Variants in TMPRSS7 observed in about 807,000 individuals in gnomAD.
The protein encoded by TMPRSS7 is transmembrane serine protease 7, also known as transmembrane protease serine 7.
In TMPRSS7, 81 loss-of-function variants were observed where a neutral mutation model predicts 95.6. The ratio of observed to expected loss-of-function variants is 0.85; its 90% CI spans 0.71 to 1.02. TMPRSS7 has a LOEUF of 1.02. TMPRSS7 is among the 50% of genes least tolerant of loss of function. The pLI is 0.00. For synonymous variants in TMPRSS7, 364 were observed against 337.8 expected (o/e 1.08, Z -0.85); for missense variants, 945 against 955.2 (o/e 0.99, Z 0.14).
chr3:112,040,335 TGA>T (rs2073193028), intron 2 of TMPRSS7, among the ~76,000 whole-genome samples: 1 of 152,138 alleles, frequency 6.6e-6, no homozygotes, highest in African/African-American at 2.4e-5. Context: ...AGAGAAGGTG[TGA>T]GTTTTTTTGC....
intron 16 of TMPRSS7, among the ~76,000 whole-genome samples, chr3:112,078,300 A>G (rs1449023858): frequency 6.6e-6 from 1 of 152,234 alleles, no homozygotes; most frequent in East Asian, 1.9e-4. Context: ...TTAGCCAGGT[A>G]GGTTCAAAAG....
At chr3:112,036,085 T>G (rs1271697188) in intron 1 of TMPRSS7, among the ~76,000 whole-genome samples, 1 of 152,186 alleles carries the variant, frequency 6.6e-6, no homozygotes, top group Non-Finnish European at 1.5e-5. Flanking sequence ...ATTTGTACAA[T>G]CTATGCAAAT....
chr3:112,049,484 T>C (rs1279468838), intron 7 of TMPRSS7, among the ~76,000 whole-genome samples: 1 of 152,226 alleles, frequency 6.6e-6, no homozygotes, highest in Non-Finnish European at 1.5e-5. Flanking sequence ...GCCTGGCATC[T>C]TTCATCCATT....
At chr3:112,070,774 CT>C (rs2073636383) in intron 13 of TMPRSS7, among the ~76,000 whole-genome samples, 1 of 151,598 alleles carries the variant, frequency 6.6e-6, no homozygotes, top group Non-Finnish European at 1.5e-5. Flanking sequence ...GGTCTTGACT[CT>C]TTTATTATTA....
chr3:112,080,777 C>G lies in TMPRSS7; in HGVS notation c.2362-137C>G, dbSNP rs1245424556. On this transcript the variant is annotated intron_variant, in intron 17 of 17. Coordinates refer to ENST00000452346, the Ensembl canonical transcript of TMPRSS7. ...AGTTTCACATTAGTTTTTCACACTTCCCAAATTACAGAGTGATTAGCCAAG... is the reference window on the plus strand; with the variant it reads ...AGTTTCACATTAGTTTTTCACACTTGCCAAATTACAGAGTGATTAGCCAAG... The G allele has an allele frequency of 5.4e-6, 4 of 741,660 alleles. No individual in the cohort carries two copies. The African/African-American group carries it at 7.3e-5, about 14-fold the overall frequency. The allele number at this position is 741,660 out of a possible 1,614,324, so 45.9% of individuals were successfully genotyped here. A position where few individuals can be genotyped will look rare whatever the true frequency, so the allele number is the denominator to read the frequency against.
rs1386186321 is a variant in TMPRSS7 at position 112,041,904 on chromosome 3, C to T, written c.299-16C>T. ...GATGGGAAAGCCTCCGAATCTTGTT[C>T]TTTCCTATTTTACAGGTAAAACAGA... On this transcript the variant is annotated splice_polypyrimidine_tract_variant and intron_variant, in intron 2 of 17. Coordinates refer to ENST00000452346, the Ensembl canonical transcript of TMPRSS7. The T allele has an allele frequency of 6.0e-6, 9 of 1,504,416 alleles. No homozygotes were observed. Among genetic ancestry groups the T allele is most frequent in the Non-Finnish European group, 8.1e-6 (9 of 1,104,296 alleles). 93.2% of individuals were successfully genotyped at this position (1,504,416 alleles called of 1,614,324 possible).
Position 112,075,639 on chromosome 3 carries a change from A to C in TMPRSS7, c.1955+147A>C, listed in dbSNP as rs56008240. On this transcript the variant is annotated intron_variant, in intron 15 of 17. Coordinates refer to ENST00000452346, the Ensembl canonical transcript of TMPRSS7. ...TTTTTTGGATCCCACGTGTGTGACA[A>C]ACATTTTTTTTTAAGGTATTATTGG... The C allele has an allele frequency of 8.2e-3, 5,394 of 656,346 alleles. 216 individuals are homozygous for C. In the African/African-American group the frequency reaches 0.087, roughly 11 times the overall value. 40.7% of individuals were successfully genotyped at this position (656,346 alleles called of 1,614,324 possible). A position where few individuals can be genotyped will look rare whatever the true frequency, so the allele number is the denominator to read the frequency against.
intron 1 of TMPRSS7, among the ~76,000 whole-genome samples, chr3:112,036,321 C>G (rs942047915): frequency 2.0e-5 from 3 of 152,192 alleles, no homozygotes; most frequent in Admixed American, 1.3e-4. Context: ...GGAATCCCAG[C>G]ACTTTGGGAG....
chr3:112,039,042 C>A (rs2073180183), intron 2 of TMPRSS7, among the ~76,000 whole-genome samples: 1 of 152,198 alleles, frequency 6.6e-6, no homozygotes, highest in Non-Finnish European at 1.5e-5. Context: ...CCTTGAATTT[C>A]CGGCTCCCTG....
chr3:112,067,649 T>C (rs1199576472), intron 13 of TMPRSS7, among the ~76,000 whole-genome samples: 1 of 152,246 alleles, frequency 6.6e-6, no homozygotes, highest in Non-Finnish European at 1.5e-5. Flanking sequence ...TGTCTGTTCA[T>C]ATCCTTTGCC....
At chr3:112,037,711 C>T (rs965358272) in intron 1 of TMPRSS7, among the ~76,000 whole-genome samples, 9 of 152,156 alleles carry the variant, frequency 5.9e-5, no homozygotes, top group African/African-American at 2.2e-4. Context: ...ATGTCTTCCC[C>T]GGACACCCAG....
chr3:112,065,012 T>C (rs936942422), intron 12 of TMPRSS7, among the ~76,000 whole-genome samples: 5 of 152,192 alleles, frequency 3.3e-5, no homozygotes, highest in South Asian at 2.1e-4. Flanking sequence ...AAAATTATAT[T>C]AATAAAAAAT....
intron 10 of TMPRSS7, among the ~76,000 whole-genome samples, chr3:112,061,240 G>A (rs370194577): frequency 1.3e-5 from 2 of 152,098 alleles, no homozygotes; most frequent in East Asian, 1.9e-4. Context: ...GGTGATGAGA[G>A]GTAAGAAAAA....
chr3:112,043,146 TAG>T lies in TMPRSS7; in HGVS notation c.429+1099_429+1100del, dbSNP rs201866482. Reference sequence around the variant, plus strand: ...TGGAGATACTGTTGTACAAACATCATAGAGTGTGTGTACACATACGTAGCTGG... The same window carrying T: ...TGGAGATACTGTTGTACAAACATCATAGTGTGTGTACACATACGTAGCTGG... On this transcript the variant is annotated intron_variant, in intron 3 of 17. Transcript: ENST00000452346. The T allele has an allele frequency of 1.6e-3, 730 of 455,674 alleles. 5 individuals are homozygous for T. Among genetic ancestry groups the T allele is most frequent in the African/African-American group, 0.014 (680 of 50,182 alleles). The allele number at this position is 455,674 out of a possible 1,614,324, so 28.2% of individuals were successfully genotyped here.
At chr3:112,067,729 A>C (rs1277267439) in intron 13 of TMPRSS7, among the ~76,000 whole-genome samples, 2 of 152,324 alleles carry the variant, frequency 1.3e-5, no homozygotes, top group Admixed American at 1.3e-4. Flanking sequence ...TCTGGAGATT[A>C]GCCCTTTGTG....
At chr3:112,037,447 C>A (rs2073157612) in intron 1 of TMPRSS7, among the ~76,000 whole-genome samples, 1 of 152,190 alleles carries the variant, frequency 6.6e-6, no homozygotes, top group South Asian at 2.1e-4. Context: ...TGCTCTTGAA[C>A]CCTGTTTCCT....
intron 10 of TMPRSS7, among the ~76,000 whole-genome samples, chr3:112,057,698 T>C (rs746269712): frequency 2.6e-5 from 4 of 152,180 alleles, no homozygotes; most frequent in Non-Finnish European, 4.4e-5. Context: ...AGGCACTGAA[T>C]TAAATAGTTT....
At chr3:112,078,844 C>T (rs1331986540) in exon 17 of TMPRSS7, 2 of 1,613,964 alleles carry the variant, frequency 1.2e-6, no homozygotes, top group African/African-American at 1.3e-5. Context: ...ATGCTCTGTG[C>T]AGGCATAATG....
chr3:112,038,007 G>T, intron 1 of TMPRSS7, 65 bp from the exon 2 acceptor site: 1 of 681,498 alleles, frequency 1.5e-6, no homozygotes, highest in South Asian at 1.6e-5. Context: ...CTCCTGACTG[G>T]GTAGTTTCAT....
Sources: gnomAD v4.1 joint callset for allele counts (sites outside exome capture counted in the v4.1 genomes callset) on GRCh38, gnomAD v4.1.1 for gene constraint, MANE v1.5 for transcripts, NCBI Gene and HGNC (gene_info 2026-07-23, HGNC 2026-07-21) for gene names.